Variants in USP31 observed in about 807,000 individuals in gnomAD.
The protein encoded by USP31 is ubiquitin specific peptidase 31.
In USP31, 44 loss-of-function variants were observed where a neutral mutation model predicts 119.4. The ratio of observed to expected loss-of-function variants is 0.37; its 90% CI spans 0.29 to 0.47. The LOEUF (loss-of-function observed/expected upper bound fraction) is 0.47, where lower values mean the gene tolerates loss of function less well. Ranked by LOEUF, USP31 falls within the 20% of genes least tolerant of loss-of-function variation. USP31 has a pLI of 0.99. For synonymous variants in USP31, 749 were observed against 705.6 expected (o/e 1.06, Z -0.97); for missense variants, 1,643 against 1,730.2 (o/e 0.95, Z 0.89).
At chr16:23,083,492 C>T (rs1900931378) in intron 11 of USP31, among the ~76,000 whole-genome samples, 1 of 151,328 alleles carries the variant, frequency 6.6e-6, no homozygotes, top group Non-Finnish European at 1.5e-5. Context: ...TATCCTGCTA[C>T]CATTCTAGAT....
chr16:23,115,413 G>A (rs963905309), intron 1 of USP31, among the ~76,000 whole-genome samples: 5 of 152,264 alleles, frequency 3.3e-5, no homozygotes, highest in East Asian at 3.9e-4. Context: ...ATCTCAGCAC[G>A]TTGGGAGGCC....
chr16:23,130,662 T>A (rs1399084563), intron 1 of USP31, among the ~76,000 whole-genome samples: 1 of 148,820 alleles, frequency 6.7e-6, no homozygotes, highest in Non-Finnish European at 1.5e-5. Context: ...CTAGACACAC[T>A]ACAGTTTGTC....
At chr16:23,085,081 A>C in intron 10 of USP31, 92 bp from the exon 11 acceptor site, 4 of 1,483,020 alleles carry the variant, frequency 2.7e-6, no homozygotes, top group Non-Finnish European at 3.6e-6. Context: ...CTACAAACTC[A>C]TAACCGAAGG....
chr16:23,100,665 C>A (rs993796713), intron 6 of USP31, among the ~76,000 whole-genome samples: 1 of 151,986 alleles, frequency 6.6e-6, no homozygotes, highest in African/African-American at 2.4e-5. Context: ...CCCAGCTACT[C>A]GGGAGGCTAA....
At chr16:23,133,300 A>G (rs996139943) in intron 1 of USP31, among the ~76,000 whole-genome samples, 2 of 152,162 alleles carry the variant, frequency 1.3e-5, no homozygotes, top group Non-Finnish European at 2.9e-5. Flanking sequence ...ATCTACATTT[A>G]TAACATCAGA....
At chr16:23,125,884 T>C (rs1373998822) in intron 1 of USP31, among the ~76,000 whole-genome samples, 1 of 152,194 alleles carries the variant, frequency 6.6e-6, no homozygotes, top group Non-Finnish European at 1.5e-5. Flanking sequence ...TGAATTTCCT[T>C]CTCTAGAGTT....
chr16:23,111,947 C>T (rs1902332118), intron 1 of USP31, among the ~76,000 whole-genome samples: 2 of 152,152 alleles, frequency 1.3e-5, no homozygotes, highest in Non-Finnish European at 2.9e-5. Context: ...ATTTGCATCA[C>T]AATCTGATGA....
Position 23,130,493 on chromosome 16 carries a change from C to T in USP31, c.633+18145G>A, listed in dbSNP as rs939215218. Among the ~76,000 whole-genome samples, 3 of 151,554 alleles carry T rather than the reference C, an allele frequency of 2.0e-5. No homozygotes were observed. In the East Asian group the frequency reaches 5.8e-4, roughly 29 times the overall value. On this transcript the variant is annotated intron_variant, in intron 1 of 15. Coordinates refer to ENST00000219689, the MANE Select transcript of USP31 (RefSeq NM_020718.4). ...AATTAGAAAGGACAGAGTTTAGCAA[C>T]AGCGGAGGGGCTAGAAGGCTACTGC...
intron 6 of USP31, among the ~76,000 whole-genome samples, chr16:23,096,169 C>CA (rs532465605): frequency 1.7e-3 from 249 of 147,822 alleles, no homozygotes; most frequent in Non-Finnish European, 2.7e-3. Context: ...AAATGAAAAG[C>CA]AAAAAAAAAG....
intron 11 of USP31, among the ~76,000 whole-genome samples, chr16:23,083,776 G>A (rs988625126): frequency 2.1e-5 from 3 of 144,064 alleles, no homozygotes; most frequent in Non-Finnish European, 3.0e-5. Flanking sequence ...GCTAAAAACA[G>A]TGTGGGGGAG....
intron 13 of USP31, among the ~76,000 whole-genome samples, chr16:23,077,833 T>TA (rs142448388): frequency 2.0e-5 from 3 of 152,092 alleles, no homozygotes; most frequent in African/African-American, 7.2e-5. Context: ...CTTAGCCCAA[T>TA]GATTCCATTT....
chr16:23,083,595 T>TA lies in USP31; in HGVS notation c.1831-1039dup, dbSNP rs755789724. ...CATTATCAAACATCTCCAAAGTCAT[T>TA]AAAAAAAAAAAAAAAAAGCTAAACA... On this transcript the variant is annotated intron_variant, in intron 11 of 15. Transcript: ENST00000219689. Among the ~76,000 whole-genome samples, 297 of 98,840 alleles carry TA rather than the reference T, an allele frequency of 3.0e-3. 1 individual carries two copies. Among genetic ancestry groups the TA allele is most frequent in the Middle Eastern group, 6.5e-3 (1 of 154 alleles). The allele number at this position is 98,840 out of a possible 152,430, so 64.8% of individuals were successfully genotyped here.
chr16:23,112,827 A>G (rs184331226), intron 1 of USP31, among the ~76,000 whole-genome samples: 16 of 152,058 alleles, frequency 1.1e-4, no homozygotes, highest in Admixed American at 2.0e-4. Flanking sequence ...TCGGGAGTTC[A>G]AGACCAGCCT....
At chr16:23,130,162 T>C (rs1902984942) in intron 1 of USP31, among the ~76,000 whole-genome samples, 1 of 152,212 alleles carries the variant, frequency 6.6e-6, no homozygotes, top group Non-Finnish European at 1.5e-5. Flanking sequence ...GATTTCATCA[T>C]GAGAAAGCTT....
At position 23,079,951 on chromosome 16, in the gene USP31, T is replaced by C; in HGVS notation, c.2171A>G (p.Tyr724Cys). The C allele has an allele frequency of 6.2e-7, 1 of 1,610,492 alleles. No individual in the cohort carries two copies. Among genetic ancestry groups the C allele is most frequent in the East Asian group, 2.2e-5 (1 of 44,624 alleles). ...CAGCCTCTCACACTGCAGACCTGTG[T>C]AGTGCCCCCCTTGCATGGTGCCATG... ...NHHGTMQGGH[Y>C]TAYCKNSVDG... Residue 724 changes from tyrosine to cysteine, a missense_variant, in exon 13 of 16, where the codon TAC becomes TGC. Tyr to Cys is a radical substitution (Grantham distance 194, BLOSUM62 -2). Coordinates refer to ENST00000219689, the MANE Select transcript of USP31 (RefSeq NM_020718.4).
At chr16:23,102,261 T>G in intron 6 of USP31, 58 bp downstream of exon 6, 1 of 1,543,440 alleles carries the variant, frequency 6.5e-7, no homozygotes, top group East Asian at 2.3e-5. Context: ...ACTAAAAAGG[T>G]AGACTATAGT....
At chr16:23,107,007 G>A (rs2141874840) in intron 2 of USP31, among the ~76,000 whole-genome samples, 1 of 152,062 alleles carries the variant, frequency 6.6e-6, no homozygotes, top group East Asian at 1.9e-4. Context: ...AGCTACTCAG[G>A]AGGCTGAGGT....
At chr16:23,124,603 G>C (rs1375062132) in intron 1 of USP31, among the ~76,000 whole-genome samples, 2 of 152,100 alleles carry the variant, frequency 1.3e-5, no homozygotes, top group African/African-American at 2.4e-5. Flanking sequence ...TCATAACCTA[G>C]AGCATCATGG....
chr16:23,148,791 C>G lies in USP31; in HGVS notation c.480G>C (p.Gln160His), dbSNP rs1903613209. Reference protein sequence around the residue: ...ELFAEYLALGQYRAGRPEPSP... With the variant: ...ELFAEYLALGHYRAGRPEPSP... ...AGGGCTCGGGCCGCCCCGCCCGGTACTGGCCCAGCGCCAGGTACTCGGCGA... is the reference window on the plus strand; with the variant it reads ...AGGGCTCGGGCCGCCCCGCCCGGTAGTGGCCCAGCGCCAGGTACTCGGCGA... Residue 160 changes from glutamine to histidine, a missense_variant, in exon 1 of 16, where the codon CAG becomes CAC. By Grantham distance (24) the Gln-to-His change is conservative (BLOSUM62 0). This residue lies in a region of USP31 where 302 missense variants were observed against 262.6 expected (regional missense o/e 1.15). Coordinates refer to ENST00000219689, the MANE Select transcript of USP31 (RefSeq NM_020718.4). 6.5e-7 allele frequency: 1 copy of G among 1,539,020 alleles called. No individual in the cohort carries two copies. The highest frequency in any genetic ancestry group is 2.1e-5 in the Admixed American group (1 of 47,676).
Sources: gnomAD v4.1 joint callset for allele counts (sites outside exome capture counted in the v4.1 genomes callset) on GRCh38, gnomAD v4.1.1 for gene constraint, gnomAD v4.1.1 regional missense constraint, MANE v1.5 for transcripts, NCBI Gene and HGNC (gene_info 2026-07-23, HGNC 2026-07-21) for gene names.